The following SGTB variants were observed in gnomAD, a reference collection of about 807,000 sequenced individuals.
The protein encoded by SGTB is small glutamine rich tetratricopeptide repeat co-chaperone beta.
SGTB carries 19 observed loss-of-function variants against 43.9 expected under a neutral mutation model. That is an observed-to-expected ratio of 0.43 (90% CI 0.30 to 0.63). The LOEUF (loss-of-function observed/expected upper bound fraction) is 0.63. Ranked by LOEUF, SGTB falls within the 30% of genes least tolerant of loss-of-function variation. The pLI, the probability that SGTB is intolerant of heterozygous loss-of-function variation, is 0.12. For synonymous variants in SGTB, 116 were observed against 117.3 expected (o/e 0.99, Z 0.07); for missense variants, 304 against 358.9 (o/e 0.85, Z 1.24).
At position 65,680,463 on chromosome 5, in the gene SGTB, C is replaced by CTACATAGTCTATGGAAAA. The variant is rs373094396; in HGVS notation, c.681+30_681+31insTTTTCCATAGACTATGTA. 4.9e-3 allele frequency: 7,879 copies of CTACATAGTCTATGGAAAA among 1,610,296 alleles called. 321 individuals carry two copies. The African/African-American group carries it at 0.089, about 18-fold the overall frequency. ...GCTACATAGTCTATGGAAAACATAGCCAGTAGAGGCAGAAAAGAAAGTATA... is the reference window on the plus strand; with the variant it reads ...GCTACATAGTCTATGGAAAACATAGCTACATAGTCTATGGAAAACAGTAGAGGCAGAAAAGAAAGTATA... On this transcript the variant is annotated intron_variant, in intron 8 of 10. Coordinates refer to ENST00000381007, the MANE Select transcript of SGTB (RefSeq NM_019072.3).
chr5:65,715,018 T>C (rs7709183), intron 2 of SGTB, among the ~76,000 whole-genome samples: 8,731 of 152,180 alleles, frequency 0.057, 814 homozygotes, highest in African/African-American at 0.2. Context: ...TTTGAGAAAT[T>C]GATTGGGATT....
At chr5:65,699,954 T>C (rs1757782246) in intron 5 of SGTB, among the ~76,000 whole-genome samples, 1 of 152,212 alleles carries the variant, frequency 6.6e-6, no homozygotes, top group Non-Finnish European at 1.5e-5. Context: ...AGCAACCAAT[T>C]GTTCCTCCAG....
intron 10 of SGTB, among the ~76,000 whole-genome samples, chr5:65,670,791 G>GT (rs1757139619): frequency 6.6e-6 from 1 of 152,158 alleles, no homozygotes; most frequent in African/African-American, 2.4e-5. Context: ...ACAAATTGTA[G>GT]TATGTGACCC....
intron 1 of SGTB, among the ~76,000 whole-genome samples, chr5:65,721,093 A>G (rs1485465028): frequency 6.6e-6 from 1 of 152,246 alleles, no homozygotes; most frequent in Non-Finnish European, 1.5e-5. Context: ...TCTTCAAAAC[A>G]TGTACAGCAT....
chr5:65,665,946 A>G lies in SGTB; in HGVS notation c.*4300T>C, dbSNP rs1230465922. 2 of 152,600 alleles carry G rather than the reference A, an allele frequency of 1.3e-5. No homozygotes were observed. The highest frequency in any genetic ancestry group is 2.4e-5 in the African/African-American group (1 of 41,466). 9.5% of individuals were successfully genotyped at this position (152,600 alleles called of 1,614,324 possible). A position where few individuals can be genotyped will look rare whatever the true frequency, so the allele number is the denominator to read the frequency against. On this transcript the variant is annotated 3_prime_UTR_variant, in exon 11 of 11. Coordinates refer to ENST00000381007, the MANE Select transcript of SGTB (RefSeq NM_019072.3). ...ACAAAAATTGGTTTTTCAATGCATC[A>G]TTATTTATTGCCATAACAAATTGTT...
chr5:65,688,175 T>A (rs972623550), intron 5 of SGTB, among the ~76,000 whole-genome samples: 3 of 152,160 alleles, frequency 2.0e-5, no homozygotes, highest in South Asian at 2.1e-4. Flanking sequence ...GACAGATTTT[T>A]AAAATAATTT....
At chr5:65,705,558 G>C (rs1487704392) in intron 4 of SGTB, among the ~76,000 whole-genome samples, 1 of 152,132 alleles carries the variant, frequency 6.6e-6, no homozygotes, top group Non-Finnish European at 1.5e-5. Context: ...TCTTAAACCA[G>C]AAACTCTCAC....
intron 5 of SGTB, among the ~76,000 whole-genome samples, chr5:65,692,148 A>C (rs1350216886): frequency 6.6e-6 from 1 of 152,144 alleles, no homozygotes; most frequent in African/African-American, 2.4e-5. Flanking sequence ...AAGCCGAAAA[A>C]GGAAGAGAGG....
At chr5:65,705,101 A>G (rs140960481) in intron 4 of SGTB, among the ~76,000 whole-genome samples, 11 of 152,316 alleles carry the variant, frequency 7.2e-5, no homozygotes, top group Middle Eastern at 6.8e-3. Context: ...TATTTTTTGT[A>G]TACCATTAAA....
intron 4 of SGTB, among the ~76,000 whole-genome samples, chr5:65,707,393 T>TATAC (rs1491441470): frequency 1.6e-5 from 2 of 125,202 alleles, no homozygotes; most frequent in African/African-American, 6.8e-5. Flanking sequence ...CAGCTGATTT[T>TATAC]ATACACACAC....
At chr5:65,674,822 T>TA (rs1186015607) in intron 8 of SGTB, among the ~76,000 whole-genome samples, 47 of 147,176 alleles carry the variant, frequency 3.2e-4, no homozygotes, top group African/African-American at 7.9e-4. Context: ...TAACCATTCT[T>TA]AAAAAAAAAA....
rs1407909970 is a variant in SGTB at position 65,667,022 on chromosome 5, C to T, written c.*3224G>A. On this transcript the variant is annotated 3_prime_UTR_variant, in exon 11 of 11. Coordinates refer to ENST00000381007, the MANE Select transcript of SGTB (RefSeq NM_019072.3). ...CTTAAGTGTTTGGTAAAATTCATCA[C>T]GGAAGTTATCTGGGCCTGTAGTTTT... The T allele has an allele frequency of 2.0e-5, 3 of 152,052 alleles. No homozygotes were observed. Among genetic ancestry groups the T allele is most frequent in the Non-Finnish European group, 2.9e-5 (2 of 68,002 alleles). 9.4% of individuals were successfully genotyped at this position (152,052 alleles called of 1,614,324 possible).
At chr5:65,704,454 T>C in intron 4 of SGTB, 76 bp from the exon 5 acceptor site, 1 of 1,071,726 alleles carries the variant, frequency 9.3e-7, no homozygotes, top group Non-Finnish European at 1.3e-6. Context: ...CACATTTTAA[T>C]CGTGGAAACT....
chr5:65,696,345 T>C (rs1025504285), intron 5 of SGTB, among the ~76,000 whole-genome samples: 2 of 152,230 alleles, frequency 1.3e-5, no homozygotes, highest in South Asian at 4.1e-4. Context: ...ATGGGTAAAG[T>C]ACTCAGCACT....
intron 4 of SGTB, 47 bp downstream of exon 4, chr5:65,708,442 T>C (rs770974037): frequency 2.0e-6 from 3 of 1,537,878 alleles, no homozygotes; most frequent in Non-Finnish European, 2.7e-6. Flanking sequence ...TTTCCTCCAG[T>C]TTCAGAAAGC....
At chr5:65,690,515 A>G (rs1757585532) in intron 5 of SGTB, among the ~76,000 whole-genome samples, 1 of 152,190 alleles carries the variant, frequency 6.6e-6, no homozygotes, top group African/African-American at 2.4e-5. Context: ...CTTGGATACA[A>G]AAGATATCAC....
In SGTB at chr5:65,714,185, T is replaced by C. The variant is rs934736799; in HGVS notation, c.101-1121A>G. Among the ~76,000 whole-genome samples, 6 of 152,134 alleles carry C rather than the reference T, an allele frequency of 3.9e-5. No individual in the cohort carries two copies. The East Asian group carries it at 9.6e-4, about 24-fold the overall frequency. On this transcript the variant is annotated intron_variant, in intron 2 of 10. Transcript: ENST00000381007. ...GTAACAGAACATAGCCCCCAGCACA[T>C]AGGAAGAAGCACTAAATATTAATCT...
chr5:65,711,996 C>T (rs922443362), intron 3 of SGTB, among the ~76,000 whole-genome samples: 3 of 152,136 alleles, frequency 2.0e-5, no homozygotes, highest in Non-Finnish European at 2.9e-5. Context: ...GGCTATAATC[C>T]GAGCACTTTT....
At chr5:65,693,077 C>T (rs995848760) in intron 5 of SGTB, among the ~76,000 whole-genome samples, 4 of 151,962 alleles carry the variant, frequency 2.6e-5, no homozygotes, top group Non-Finnish European at 5.9e-5. Context: ...TCCCGTGGTC[C>T]CTGCTACTCA....
Sources: gnomAD v4.1 joint callset for allele counts (sites outside exome capture counted in the v4.1 genomes callset) on GRCh38, gnomAD v4.1.1 for gene constraint, MANE v1.5 for transcripts, NCBI Gene and HGNC (gene_info 2026-07-23, HGNC 2026-07-21) for gene names.